The following GSE1 variants were observed in gnomAD, a reference collection of about 807,000 sequenced individuals.
GSE1 encodes the protein genetic suppressor element 1.
A neutral mutation model predicts 112.6 loss-of-function variants in GSE1; 32 were observed. The ratio of observed to expected loss-of-function variants is 0.28; its 90% CI spans 0.21 to 0.38. GSE1 has a LOEUF of 0.38. Ranked by LOEUF, GSE1 falls within the 10% of genes least tolerant of loss-of-function variation. The pLI, the probability that GSE1 is intolerant of heterozygous loss-of-function variation, is 1.00. For synonymous variants in GSE1, 1,115 were observed against 735.6 expected (o/e 1.52, Z -8.35); for missense variants, 2,348 against 1,699.2 (o/e 1.38, Z -6.71).
At chr16:85,626,827 G>A (rs914713811) in intron 1 of GSE1, among the ~76,000 whole-genome samples, 1 of 152,044 alleles carries the variant, frequency 6.6e-6, no homozygotes, top group African/African-American at 2.4e-5. Context: ...CCAGCCTCGT[G>A]GGGAGGGGGA....
At chr16:85,513,749 T>A (rs1223385034) in intron 2 of GSE1, among the ~76,000 whole-genome samples, 7 of 152,160 alleles carry the variant, frequency 4.6e-5, no homozygotes, top group African/African-American at 4.8e-5. Context: ...TTCCCTGTCC[T>A]GCTCCTGAGA....
intron 2 of GSE1, among the ~76,000 whole-genome samples, chr16:85,514,181 C>T (rs1436559807): frequency 7.0e-6 from 1 of 142,834 alleles, no homozygotes; most frequent in Non-Finnish European, 1.5e-5. Flanking sequence ...CTCTTATCTT[C>T]CCCCCTCCCC....
At chr16:85,605,891 T>G (rs977831756) in intron 1 of GSE1, among the ~76,000 whole-genome samples, 1 of 152,066 alleles carries the variant, frequency 6.6e-6, no homozygotes, top group Non-Finnish European at 1.5e-5. Context: ...CTGCCTTGCT[T>G]GGACTGGAGA....
intron 2 of GSE1, among the ~76,000 whole-genome samples, chr16:85,521,828 C>T (rs756277192): frequency 1.4e-4 from 21 of 152,244 alleles, no homozygotes; most frequent in Non-Finnish European, 2.9e-4. Context: ...AGCGCGCTGG[C>T]GCTCAGCCCA....
intron 2 of GSE1, among the ~76,000 whole-genome samples, chr16:85,644,331 G>C (rs1172624818): frequency 7.0e-6 from 1 of 142,520 alleles, no homozygotes; most frequent in Non-Finnish European, 1.5e-5. Context: ...GCAGCAGAGT[G>C]AGATCCTGTC....
intron 11 of GSE1, 121 bp downstream of exon 11, chr16:85,663,735 C>T (rs964820820): frequency 6.1e-6 from 6 of 990,916 alleles, no homozygotes; most frequent in African/African-American, 1.6e-5. Context: ...GAGGCTGCCC[C>T]TTTACTCCTC....
At chr16:85,391,425 G>A (rs1597581148) in intron 2 of GSE1, among the ~76,000 whole-genome samples, 1 of 152,316 alleles carries the variant, frequency 6.6e-6, no homozygotes, top group East Asian at 1.9e-4. Flanking sequence ...CAGTTCTGGA[G>A]GCCAGAAGTC....
At chr16:85,361,456 C>A (rs1042612228) in intron 2 of GSE1, among the ~76,000 whole-genome samples, 1 of 152,226 alleles carries the variant, frequency 6.6e-6, no homozygotes, top group African/African-American at 2.4e-5. Context: ...AGCCCCGTCT[C>A]CCTCTTTCCA....
chr16:85,220,563 C>G (rs1375091588), intron 1 of GSE1, among the ~76,000 whole-genome samples: 3 of 152,168 alleles, frequency 2.0e-5, no homozygotes, highest in Admixed American at 6.5e-5. Context: ...GTCAAACCAC[C>G]TCTTCCCCTC....
intron 1 of GSE1, among the ~76,000 whole-genome samples, chr16:85,222,794 T>A: frequency 6.6e-6 from 1 of 152,166 alleles, no homozygotes; most frequent in East Asian, 1.9e-4. Context: ...TGATTTTCTG[T>A]CTCACTGGTC....
chr16:85,271,754 A>C (rs1402955956), intron 1 of GSE1, among the ~76,000 whole-genome samples: 1 of 152,148 alleles, frequency 6.6e-6, no homozygotes, highest in Admixed American at 6.5e-5. Context: ...CCTGTGACAG[A>C]GGGGAAGTGG....
At chr16:85,591,017 A>T (rs1014508742) in intron 1 of GSE1, among the ~76,000 whole-genome samples, 3 of 152,162 alleles carry the variant, frequency 2.0e-5, no homozygotes, top group Admixed American at 6.5e-5. Context: ...GGCACAGGGC[A>T]TTTGAGGTGC....
chr16:85,352,588 G>C (rs1032815141), intron 1 of GSE1, among the ~76,000 whole-genome samples: 1 of 152,156 alleles, frequency 6.6e-6, no homozygotes, highest in African/African-American at 2.4e-5. Flanking sequence ...CACATATGCA[G>C]GTTTCAGGGC....
At chr16:85,643,407 C>T (rs574321087) in intron 2 of GSE1, among the ~76,000 whole-genome samples, 1 of 152,324 alleles carries the variant, frequency 6.6e-6, no homozygotes, top group Admixed American at 6.5e-5. Context: ...TAGCACCCGC[C>T]AGCGGGGATT....
Position 85,668,334 on chromosome 16 carries a change from G to A in GSE1, c.3325G>A (p.Asp1109Asn). The A allele has an allele frequency of 4.3e-6, 7 of 1,613,360 alleles. No homozygotes were observed. The highest frequency in any genetic ancestry group is 5.1e-6 in the Non-Finnish European group (6 of 1,179,446). Residue 1109 changes from aspartate (D) to asparagine (N), a missense_variant, in exon 14 of 16, where the codon GAT becomes AAT. Asp to Asn is a conservative substitution (Grantham distance 23, BLOSUM62 1). Transcript: ENST00000253458. ...CTCGGAGGAGGAGGAAGAGGAGGAT[G>A]ATGAAGATGGAGAAGATGAGGAGGA... Reference protein sequence around the residue: ...RDSEEEEEEDDEDGEDEEEVP... With the variant: ...RDSEEEEEEDNEDGEDEEEVP...
intron 2 of GSE1, among the ~76,000 whole-genome samples, chr16:85,417,456 C>T (rs543662075): frequency 1.3e-5 from 2 of 152,300 alleles, no homozygotes; most frequent in South Asian, 4.1e-4. Context: ...AGGGTCAGAG[C>T]ACACGGTTTC....
chr16:85,617,863 TG>T (rs1281409569), intron 1 of GSE1, among the ~76,000 whole-genome samples: 2 of 152,010 alleles, frequency 1.3e-5, no homozygotes, highest in Non-Finnish European at 2.9e-5. Context: ...GCCCCGGAAT[TG>T]GATGGAGAAC....
chr16:85,668,458 T>A, intron 14 of GSE1, 34 bp downstream of exon 14: 132 of 1,061,772 alleles, frequency 1.2e-4, no homozygotes, highest in Middle Eastern at 3.0e-4. Context: ...GGGGAGGGGG[T>A]CAGGAAAGTA....
chr16:85,664,039 C>G (rs1221084164), intron 11 of GSE1, among the ~76,000 whole-genome samples: 1 of 152,258 alleles, frequency 6.6e-6, no homozygotes, highest in African/African-American at 2.4e-5. Flanking sequence ...GAAGGGCTGC[C>G]AAGCAGGGCA....
Sources: gnomAD v4.1 joint callset for allele counts (sites outside exome capture counted in the v4.1 genomes callset) on GRCh38, gnomAD v4.1.1 for gene constraint, MANE v1.5 for transcripts, NCBI Gene and HGNC (gene_info 2026-07-23, HGNC 2026-07-21) for gene names.